The following ATP10D variants were observed in gnomAD, a reference collection of about 807,000 sequenced individuals.
ATP10D encodes phospholipid-transporting ATPase VD.
A neutral mutation model predicts 144.8 loss-of-function variants in ATP10D; 89 were observed. That is an observed-to-expected ratio of 0.61 (90% confidence interval 0.52 to 0.73). The LOEUF (loss-of-function observed/expected upper bound fraction) is 0.73, where lower values mean the gene tolerates loss of function less well. Ranked by LOEUF, ATP10D falls within the 30% of genes least tolerant of loss-of-function variation. The pLI is 0.00. For missense variants in ATP10D, 1,603 were observed against 1,714.8 expected, an observed-to-expected ratio of 0.93 and a Z score of 1.15; for synonymous variants, 571 against 615.1, an observed-to-expected ratio of 0.93 and a Z score of 1.06.
chr4:47,497,032 G>A (rs1191431788), intron 1 of ATP10D, among the ~76,000 whole-genome samples: 1 of 152,008 alleles, frequency 6.6e-6, no homozygotes, highest in Admixed American at 6.5e-5. Context: ...AGTAGAAACG[G>A]GTTTCACCAC....
intron 1 of ATP10D, among the ~76,000 whole-genome samples, chr4:47,501,560 C>T (rs1422376878): frequency 6.6e-6 from 1 of 152,140 alleles, no homozygotes; most frequent in African/African-American, 2.4e-5. Flanking sequence ...GAGCTATATG[C>T]CTTCTGCCAG....
chr4:47,570,098 G>A (rs556301899), intron 16 of ATP10D, among the ~76,000 whole-genome samples: 3 of 152,174 alleles, frequency 2.0e-5, no homozygotes, highest in Non-Finnish European at 1.5e-5. Context: ...TGGCTGTTCT[G>A]TCAGAGTAAT....
intron 11 of ATP10D, 107 bp from the exon 12 acceptor site, chr4:47,557,557 A>T: frequency 8.6e-7 from 1 of 1,157,304 alleles, no homozygotes; most frequent in Non-Finnish European, 1.2e-6. Context: ...CTAGCCATTT[A>T]AGTGAGTGGT....
chr4:47,505,779 C>G (rs1371901149), intron 1 of ATP10D, among the ~76,000 whole-genome samples: 1 of 151,722 alleles, frequency 6.6e-6, no homozygotes, highest in Non-Finnish European at 1.5e-5. Flanking sequence ...AAAAAGAAAC[C>G]TAGGGGGTGA....
chr4:47,516,721 G>A (rs951716945), intron 3 of ATP10D, among the ~76,000 whole-genome samples: 35 of 152,270 alleles, frequency 2.3e-4, no homozygotes, highest in African/African-American at 8.4e-4. Flanking sequence ...TTTGTAAGAT[G>A]ATTTGAGATT....
At chr4:47,588,675 A>C (rs1221527878) in intron 22 of ATP10D, among the ~76,000 whole-genome samples, 1 of 152,110 alleles carries the variant, frequency 6.6e-6, no homozygotes, top group Non-Finnish European at 1.5e-5. Context: ...GCATTAAAAA[A>C]CCCATCTGAG....
chr4:47,534,806 TCAAA>T (rs1341720683), intron 5 of ATP10D, among the ~76,000 whole-genome samples: 1 of 152,160 alleles, frequency 6.6e-6, no homozygotes, highest in Non-Finnish European at 1.5e-5. Context: ...ATAGAAGTTG[TCAAA>T]CAATGACTAC....
chr4:47,485,832 TTC>T (rs1714726505), intron 1 of ATP10D, among the ~76,000 whole-genome samples: 1 of 1,594 alleles, frequency 6.3e-4, no homozygotes, highest in Non-Finnish European at 2.0e-3. Flanking sequence ...CATACACGCA[TTC>T]TCACACACCT....
At chr4:47,555,752 T>G (rs1240277829) in intron 11 of ATP10D, among the ~76,000 whole-genome samples, 1 of 152,118 alleles carries the variant, frequency 6.6e-6, no homozygotes, top group Admixed American at 6.5e-5. Context: ...TAATATTTTT[T>G]TCTTCCTTTT....
chr4:47,556,444 T>C (rs1452932486), intron 11 of ATP10D, among the ~76,000 whole-genome samples: 1 of 152,250 alleles, frequency 6.6e-6, no homozygotes, highest in East Asian at 1.9e-4. Context: ...CTAATAAATC[T>C]GTTCCCAAAG....
intron 21 of ATP10D, among the ~76,000 whole-genome samples, chr4:47,582,355 C>T (rs1291858395): frequency 6.6e-6 from 1 of 152,134 alleles, no homozygotes; most frequent in Admixed American, 6.5e-5. Flanking sequence ...TTCTTCAAGA[C>T]CAAGCTGATT....
chr4:47,515,459 G>T lies in ATP10D; in HGVS notation c.291-17G>T, dbSNP rs760658088. Reference sequence around the variant, plus strand: ...AAGTAACTTCTTAACACCTCCCTTTGTGTGTTTGGGTTGCAGAGCTGCCAA... The same window carrying T: ...AAGTAACTTCTTAACACCTCCCTTTTTGTGTTTGGGTTGCAGAGCTGCCAA... On this transcript the variant is annotated splice_polypyrimidine_tract_variant and intron_variant, in intron 2 of 22. Transcript: ENST00000273859. The T allele has an allele frequency of 1.3e-6, 2 of 1,599,620 alleles. No individual in the cohort carries two copies. The highest frequency in any genetic ancestry group is 1.1e-5 in the South Asian group (1 of 89,558).
At chr4:47,501,405 T>C (rs1715673784) in intron 1 of ATP10D, among the ~76,000 whole-genome samples, 1 of 152,210 alleles carries the variant, frequency 6.6e-6, no homozygotes, top group African/African-American at 2.4e-5. Context: ...AGTAAATAAA[T>C]GCAAATATTT....
intron 10 of ATP10D, among the ~76,000 whole-genome samples, chr4:47,548,045 C>T (rs1314684102): frequency 6.6e-6 from 1 of 152,062 alleles, no homozygotes; most frequent in African/African-American, 2.4e-5. Flanking sequence ...GATATATTTT[C>T]TTCTATTTTA....
Position 47,541,547 on chromosome 4 carries a change from G to C in ATP10D, c.1396+4609G>C, listed in dbSNP as rs1718135676. 2.6e-5 allele frequency among the ~76,000 whole-genome samples: 4 copies of C among 152,188 alleles called. No homozygotes were observed. The South Asian group carries it at 8.3e-4, about 32-fold the overall frequency. On this transcript the variant is annotated intron_variant, in intron 9 of 22. Coordinates refer to ENST00000273859, the MANE Select transcript of ATP10D (RefSeq NM_020453.4). Reference sequence around the variant, plus strand: ...ATACAGTTGGAGGAGGTTTAGCTGAGTGTGTTATTTACAAGCAGGCAAAAG... The same window carrying C: ...ATACAGTTGGAGGAGGTTTAGCTGACTGTGTTATTTACAAGCAGGCAAAAG...
intron 10 of ATP10D, among the ~76,000 whole-genome samples, chr4:47,548,775 A>G (rs1333351052): frequency 6.6e-6 from 1 of 152,232 alleles, no homozygotes; most frequent in Non-Finnish European, 1.5e-5. Context: ...TCCTCAATGT[A>G]TAAGATTATT....
At chr4:47,497,547 G>T (rs1232203463) in intron 1 of ATP10D, among the ~76,000 whole-genome samples, 2 of 152,052 alleles carry the variant, frequency 1.3e-5, no homozygotes, top group African/African-American at 4.8e-5. Context: ...GCTCAAATAG[G>T]CCATGAAAAT....
intron 19 of ATP10D, chr4:47,578,395 A>G (rs1028189765): frequency 6.6e-6 from 1 of 151,954 alleles, no homozygotes; most frequent in African/African-American, 2.4e-5. Context: ...ATCACCCACA[A>G]TCTTCTTTTT....
chr4:47,495,533 G>A (rs1715307638), intron 1 of ATP10D, among the ~76,000 whole-genome samples: 1 of 151,960 alleles, frequency 6.6e-6, no homozygotes, highest in South Asian at 2.1e-4. Flanking sequence ...TAAAAACACT[G>A]AAAAAATTAA....
Sources: allele counts gnomAD v4.1 joint callset (sites outside exome capture counted in the v4.1 genomes callset), GRCh38; gene constraint gnomAD v4.1.1; transcripts MANE v1.5; gene names NCBI Gene and HGNC (gene_info 2026-07-23, HGNC 2026-07-21).